Variants in TULP3 observed in about 807,000 individuals in gnomAD.
TULP3 encodes the protein TUB like protein 3, also known as tubby-related protein 3.
Under a neutral mutation model 50.7 loss-of-function variants are expected in TULP3, and 38 were observed. That is an observed-to-expected ratio of 0.75 (90% CI 0.58 to 0.98). The LOEUF is 0.98. Ranked by LOEUF, TULP3 falls within the 50% of genes least tolerant of loss-of-function variation. The pLI is 0.00. For synonymous variants in TULP3, 183 were observed against 196.6 expected (o/e 0.93, Z 0.58); for missense variants, 550 against 568.0 (o/e 0.97, Z 0.32).
chr12:2,908,575 C>G (rs751943764), intron 1 of TULP3, among the ~76,000 whole-genome samples: 1 of 150,214 alleles, frequency 6.7e-6, no homozygotes, highest in African/African-American at 2.5e-5. Context: ...CAGGTGTGGC[C>G]ACCACACCTG....
chr12:2,917,754 G>A (rs1468061229), intron 2 of TULP3, among the ~76,000 whole-genome samples: 2 of 151,334 alleles, frequency 1.3e-5, no homozygotes, highest in African/African-American at 4.9e-5. Flanking sequence ...CCGGACGCCT[G>A]TAGTCCCAGC....
Position 2,940,794 on chromosome 12 carries a change from G to A in TULP3, c.*1350G>A, listed in dbSNP as rs1245638804. 9 of 1,387,020 alleles carry A rather than the reference G, an allele frequency of 6.5e-6. No homozygotes were observed. Among genetic ancestry groups the A allele is most frequent in the Non-Finnish European group, 6.9e-6 (7 of 1,018,450 alleles). The allele number at this position is 1,387,020 out of a possible 1,614,324, so 85.9% of individuals were successfully genotyped here. A position where few individuals can be genotyped will look rare whatever the true frequency, so the allele number is the denominator to read the frequency against. On this transcript the variant is annotated 3_prime_UTR_variant, in exon 11 of 11. Transcript: ENST00000448120. ...CACCGACAAGTCCCACCTGCTGGGTGAGGACGAGACTGTTTCCATCTCAGG... is the reference window on the plus strand; with the variant it reads ...CACCGACAAGTCCCACCTGCTGGGTAAGGACGAGACTGTTTCCATCTCAGG...
intron 3 of TULP3, among the ~76,000 whole-genome samples, chr12:2,921,357 G>T (rs1490805701): frequency 6.6e-6 from 1 of 151,624 alleles, no homozygotes; most frequent in Non-Finnish European, 1.5e-5. Context: ...GGCCAGGCTT[G>T]TCTCGAACTC....
chr12:2,928,356 C>A (rs2098195839), intron 4 of TULP3, among the ~76,000 whole-genome samples: 1 of 151,852 alleles, frequency 6.6e-6, no homozygotes, highest in Admixed American at 6.6e-5. Context: ...CATGGAGAAA[C>A]CCCGTCTCTA....
At chr12:2,899,704 T>G (rs373158822) in intron 1 of TULP3, among the ~76,000 whole-genome samples, 2 of 151,816 alleles carry the variant, frequency 1.3e-5, no homozygotes, top group Non-Finnish European at 2.9e-5. Flanking sequence ...CCATCCTGGC[T>G]AACACAGTGA....
At chr12:2,921,759 C>T (rs1029416509) in intron 3 of TULP3, among the ~76,000 whole-genome samples, 4 of 152,036 alleles carry the variant, frequency 2.6e-5, no homozygotes, top group African/African-American at 9.7e-5. Flanking sequence ...AGTACAAGTA[C>T]ATATGACTTT....
In TULP3 at chr12:2,920,914, T is replaced by A; in HGVS notation, c.245T>A (p.Ile82Asn). 5.0e-6 allele frequency: 8 copies of A among 1,614,148 alleles called. No individual in the cohort carries two copies. Among genetic ancestry groups the A allele is most frequent in the Non-Finnish European group, 6.8e-6 (8 of 1,180,022 alleles). Residue 82 changes from isoleucine to asparagine, a missense_variant, in exon 3 of 11, where the codon ATC becomes AAC. By Grantham distance (149) the Ile-to-Asn change is moderately radical. Coordinates refer to ENST00000448120, the MANE Select transcript of TULP3 (RefSeq NM_003324.5). ...TGTCATACTCCCCACAGCAATGTCA[T>A]CTTACATGGTGTGTATTTAGGCAGC... The part of the protein sequence containing the change: ...VNCHTPHSNV[I>N]LHGIDGPAAV...
chr12:2,915,911 C>T (rs1404543225), intron 2 of TULP3, among the ~76,000 whole-genome samples: 2 of 152,116 alleles, frequency 1.3e-5, no homozygotes, highest in Non-Finnish European at 2.9e-5. Context: ...TGTGGTTGGT[C>T]AGTCTGTTGG....
intron 1 of TULP3, 102 bp from the exon 2 acceptor site, chr12:2,909,427 C>T (rs1414583592): frequency 2.6e-6 from 3 of 1,139,826 alleles, no homozygotes; most frequent in Non-Finnish European, 3.7e-6. Flanking sequence ...GAGGCAGAAT[C>T]GATTGGTTCC....
Position 2,890,938 on chromosome 12 carries a change from G to A in TULP3, c.-10G>A, listed in dbSNP as rs1438848563. ...GTGTGTACGTGGTGGGGGCTTCCTC[G>A]GTGGCGGGCATGGAGGCTTCGCGCT... On this transcript the variant is annotated 5_prime_UTR_variant, in exon 1 of 11. Transcript: ENST00000448120. The A allele has an allele frequency of 6.3e-7, 1 of 1,595,864 alleles. No homozygotes were observed. The highest frequency in any genetic ancestry group is 1.1e-5 in the South Asian group (1 of 88,388).
intron 1 of TULP3, among the ~76,000 whole-genome samples, chr12:2,908,409 A>G: frequency 6.9e-6 from 1 of 145,572 alleles, no homozygotes; most frequent in South Asian, 2.2e-4. Flanking sequence ...AAAAATAGAA[A>G]AGGCTTCAGA....
intron 1 of TULP3, among the ~76,000 whole-genome samples, chr12:2,895,184 C>T (rs2153947433): frequency 6.6e-6 from 1 of 152,326 alleles, no homozygotes; most frequent in Middle Eastern, 3.4e-3. Flanking sequence ...ATAGTTTTCC[C>T]TGCAGCATTC....
intron 9 of TULP3, 70 bp downstream of exon 9, chr12:2,937,799 C>CAAA (rs369423699): frequency 8.6e-5 from 62 of 721,142 alleles, no homozygotes; most frequent in South Asian, 1.2e-4. Context: ...GAGATTAATA[C>CAAA]AAAAAAAAAA....
chr12:2,926,164 C>T (rs373172694), intron 4 of TULP3, among the ~76,000 whole-genome samples: 4 of 152,086 alleles, frequency 2.6e-5, no homozygotes, highest in Admixed American at 1.3e-4. Context: ...GATAGCCATA[C>T]GATAGTGATA....
chr12:2,918,031 A>C (rs1591530915), intron 2 of TULP3, among the ~76,000 whole-genome samples: 1 of 152,038 alleles, frequency 6.6e-6, no homozygotes, highest in East Asian at 2.0e-4. Flanking sequence ...AGAGATTGCA[A>C]GTGAGTTGAG....
intron 1 of TULP3, among the ~76,000 whole-genome samples, chr12:2,906,447 G>A (rs1225835200): frequency 6.6e-6 from 1 of 151,328 alleles, no homozygotes; most frequent in African/African-American, 2.4e-5. Flanking sequence ...TCCTGCCTCA[G>A]CCTCCTGAGT....
chr12:2,929,272 G>A (rs573582963), intron 4 of TULP3, among the ~76,000 whole-genome samples: 154 of 152,020 alleles, frequency 1.0e-3, no homozygotes, highest in Middle Eastern at 6.8e-3. Context: ...AGTCGAGATC[G>A]CGCCACTGCG....
chr12:2,912,020 C>T (rs1019040406), intron 2 of TULP3, among the ~76,000 whole-genome samples: 1 of 151,182 alleles, frequency 6.6e-6, no homozygotes, highest in Non-Finnish European at 1.5e-5. Context: ...CCAATAAGTG[C>T]TTAAGAAGGA....
At chr12:2,936,429 C>T (rs1008884734) in intron 8 of TULP3, among the ~76,000 whole-genome samples, 1 of 151,534 alleles carries the variant, frequency 6.6e-6, no homozygotes, top group Non-Finnish European at 1.5e-5. Context: ...ACAGTTTGTT[C>T]ACAGTTATCT....
Sources: allele counts gnomAD v4.1 joint callset (sites outside exome capture counted in the v4.1 genomes callset), GRCh38; gene constraint gnomAD v4.1.1; transcripts MANE v1.5; gene names NCBI Gene and HGNC (gene_info 2026-07-23, HGNC 2026-07-21).